The following OXR1 variants were observed in gnomAD, a reference collection of about 807,000 sequenced individuals.
OXR1 encodes oxidation resistance protein 1.
In OXR1, 41 loss-of-function variants were observed where a neutral mutation model predicts 104.6. That is an observed-to-expected ratio of 0.39 (90% confidence interval 0.31 to 0.51). OXR1 has a LOEUF of 0.51. OXR1 is among the 20% of genes least tolerant of loss of function. The probability of loss-of-function intolerance (pLI) is 0.77; values close to 1 mark genes in which losing one functional copy is unlikely to be tolerated. For synonymous variants in OXR1, 348 were observed against 348.4 expected (o/e 1.00, Z 0.01); for missense variants, 955 against 1,031.9 (o/e 0.93, Z 1.02).
At chr8:106,687,897 A>G (rs1300041147) in intron 6 of OXR1, among the ~76,000 whole-genome samples, 1 of 152,110 alleles carries the variant, frequency 6.6e-6, no homozygotes, top group Non-Finnish European at 1.5e-5. Flanking sequence ...CGGAGCCCAT[A>G]TTTTTTATTA....
At chr8:106,533,678 A>T (rs1418455636) in intron 3 of OXR1, among the ~76,000 whole-genome samples, 10 of 150,974 alleles carry the variant, frequency 6.6e-5, no homozygotes, top group Non-Finnish European at 1.5e-4. Context: ...CAGTTTTATG[A>T]TATGCTACCT....
At chr8:106,580,420 GAAT>G (rs1818146940) in intron 3 of OXR1, among the ~76,000 whole-genome samples, 2 of 152,254 alleles carry the variant, frequency 1.3e-5, no homozygotes, top group Non-Finnish European at 2.9e-5. Context: ...TTCTATGACT[GAAT>G]AATATTTCAT....
intron 1 of OXR1, among the ~76,000 whole-genome samples, chr8:106,320,686 G>T (rs543856998): frequency 9.3e-5 from 14 of 151,226 alleles, no homozygotes; most frequent in Admixed American, 2.0e-4. Context: ...TTTTGGGGGG[G>T]GCGGGGACAG....
intron 3 of OXR1, chr8:106,522,581 A>T (rs1813342434): frequency 6.6e-6 from 1 of 152,220 alleles, no homozygotes; most frequent in Non-Finnish European, 1.5e-5. Flanking sequence ...ATTGATGTGA[A>T]ATAAATGAAT....
At chr8:106,448,701 A>C (rs1820141596) in intron 2 of OXR1, among the ~76,000 whole-genome samples, 1 of 152,194 alleles carries the variant, frequency 6.6e-6, no homozygotes. Context: ...AGACCTCATT[A>C]CAGGAATAGG....
At chr8:106,639,480 G>A (rs1161229576) in intron 3 of OXR1, among the ~76,000 whole-genome samples, 3 of 152,186 alleles carry the variant, frequency 2.0e-5, no homozygotes, top group Non-Finnish European at 4.4e-5. Context: ...TAACGGGAGT[G>A]TTGAAAGCTG....
At chr8:106,356,527 A>T (rs1273906653) in intron 1 of OXR1, among the ~76,000 whole-genome samples, 1 of 152,116 alleles carries the variant, frequency 6.6e-6, no homozygotes, top group Non-Finnish European at 1.5e-5. Context: ...AGATTCTAGG[A>T]TCCAGTTTGT....
In OXR1 at chr8:106,541,500, C is replaced by A. The variant is rs185566054; in HGVS notation, c.220+22361C>A. 5.3e-5 allele frequency among the ~76,000 whole-genome samples: 8 copies of A among 152,256 alleles called. No individual in the cohort carries two copies. In the East Asian group the frequency reaches 1.5e-3, roughly 29 times the overall value. ...ATACAATGGTGAAGAAATGAAAGAACGATTCATTTAAAACATTGGTGCTAG... is the reference window on the plus strand; with the variant it reads ...ATACAATGGTGAAGAAATGAAAGAAAGATTCATTTAAAACATTGGTGCTAG... On this transcript the variant is annotated intron_variant, in intron 3 of 16. Transcript: ENST00000517566.
chr8:106,388,424 CT>C (rs754817003), intron 2 of OXR1, among the ~76,000 whole-genome samples: 335 of 142,378 alleles, frequency 2.4e-3, no homozygotes, highest in Middle Eastern at 0.011. Context: ...ACTTTCAGTT[CT>C]TTTTTTTTTT....
intron 10 of OXR1, among the ~76,000 whole-genome samples, chr8:106,713,295 TAGTAAA>T: frequency 6.6e-6 from 1 of 152,052 alleles, no homozygotes; most frequent in African/African-American, 2.4e-5. Flanking sequence ...GGCTTTAGTG[TAGTAAA>T]CAAAACATTG....
chr8:106,392,525 A>AT (rs1462741290), intron 2 of OXR1, among the ~76,000 whole-genome samples: 7 of 152,162 alleles, frequency 4.6e-5, no homozygotes, highest in Admixed American at 4.6e-4. Context: ...TGACAACAAA[A>AT]TATAGTAAGG....
chr8:106,556,755 G>C (rs1621535), intron 3 of OXR1, among the ~76,000 whole-genome samples: 28,326 of 152,142 alleles, frequency 0.19, 3,194 homozygotes, highest in East Asian at 0.35. Flanking sequence ...CTAATGCCAA[G>C]TCTGTTTTAC....
intron 2 of OXR1, among the ~76,000 whole-genome samples, chr8:106,367,064 CTTTTT>C (rs10706704): frequency 9.2e-6 from 1 of 108,204 alleles, no homozygotes; most frequent in Non-Finnish European, 2.0e-5. Context: ...TTATGTTTCC[CTTTTT>C]TTTTTTTTTT....
chr8:106,587,593 C>A (rs1818727029), intron 3 of OXR1, among the ~76,000 whole-genome samples: 1 of 152,192 alleles, frequency 6.6e-6, no homozygotes, highest in Non-Finnish European at 1.5e-5. Context: ...TGGGCTGCAG[C>A]ACTTCTCAGA....
intron 2 of OXR1, among the ~76,000 whole-genome samples, chr8:106,504,578 G>T (rs1270368118): frequency 2.0e-5 from 3 of 152,132 alleles, no homozygotes; most frequent in African/African-American, 4.8e-5. Context: ...ACGAGCTCAA[G>T]AAATCTTACA....
intron 2 of OXR1, among the ~76,000 whole-genome samples, chr8:106,509,771 A>G (rs1457275108): frequency 3.9e-5 from 6 of 152,070 alleles, no homozygotes; most frequent in African/African-American, 1.4e-4. Flanking sequence ...GCTCCAACAA[A>G]CATTCTTTAT....
At chr8:106,431,262 A>G (rs926786168) in intron 2 of OXR1, among the ~76,000 whole-genome samples, 2 of 152,108 alleles carry the variant, frequency 1.3e-5, no homozygotes, top group Admixed American at 6.5e-5. Flanking sequence ...ATGAGATTTA[A>G]TGATGATAAT....
At chr8:106,588,263 A>G (rs1818804578) in intron 3 of OXR1, among the ~76,000 whole-genome samples, 1 of 146,234 alleles carries the variant, frequency 6.8e-6, no homozygotes, top group Admixed American at 6.8e-5. Flanking sequence ...CCGGCCAACA[A>G]TTTTTTTTTT....
chr8:106,305,735 G>A (rs1813439819), intron 1 of OXR1, among the ~76,000 whole-genome samples: 1 of 151,992 alleles, frequency 6.6e-6, no homozygotes, highest in Non-Finnish European at 1.5e-5. Flanking sequence ...TCCTAGCAGT[G>A]TTCTGTATCT....
Sources: allele counts gnomAD v4.1 joint callset (sites outside exome capture counted in the v4.1 genomes callset), GRCh38; gene constraint gnomAD v4.1.1; transcripts MANE v1.5; gene names NCBI Gene and HGNC (gene_info 2026-07-23, HGNC 2026-07-21).